The following PRRC2C variants were observed in gnomAD, a reference collection of about 807,000 sequenced individuals.
PRRC2C encodes the protein protein PRRC2C.
A neutral mutation model predicts 317.2 loss-of-function variants in PRRC2C; 72 were observed. The observed-to-expected ratio is 0.23, with a 90% CI of 0.19 to 0.28. The LOEUF (loss-of-function observed/expected upper bound fraction) is 0.28. PRRC2C is among the 10% of genes least tolerant of loss of function. The pLI is 1.00. For synonymous variants in PRRC2C, 1,296 were observed against 1,205.9 expected, an observed-to-expected ratio of 1.07 and a Z score of -1.55; for missense variants, 3,074 against 3,459.7, an observed-to-expected ratio of 0.89 and a Z score of 2.80.
Position 171,532,732 on chromosome 1 carries a change from G to A in PRRC2C, c.1644G>A (p.Glu548=). The change falls in exon 12 of 35, where the codon GAG becomes GAA. Residue 548 remains glutamate, a synonymous_variant. Coordinates refer to ENST00000647382, the MANE Select transcript of PRRC2C (RefSeq NM_001387844.1). ...ERQQEKEKEL[E]KEQEKQREME... ...AGCAGGAAAAGGAGAAAGAGCTGGA[G>A]AAGGAGCAGGAAAAACAAAGAGAAA... 6.5e-7 allele frequency: 1 copy of A among 1,542,168 alleles called. No individual in the cohort carries two copies. Among genetic ancestry groups the A allele is most frequent in the Non-Finnish European group, 8.7e-7 (1 of 1,145,016 alleles).
chr1:171,579,580 G>A, intron 27 of PRRC2C, 114 bp downstream of exon 27: 8 of 1,432,936 alleles, frequency 5.6e-6, no homozygotes, highest in Non-Finnish European at 7.3e-6. Flanking sequence ...CCCACGATTA[G>A]CTTGATATTC....
chr1:171,566,621 A>G lies in PRRC2C; in HGVS notation c.6336A>G (p.Lys2112=). 6.3e-7 allele frequency: 1 copy of G among 1,594,750 alleles called. No individual in the cohort carries two copies. Among genetic ancestry groups the G allele is most frequent in the Non-Finnish European group, 8.5e-7 (1 of 1,171,008 alleles). ...CAGATTTGAGTCCAGTAGAAAACAA[A>G]GAACACAAACCTGGTCCCATTGGAA... The part of the protein sequence containing the change: ...KLPDLSPVEN[K]EHKPGPIGKE... The change falls in exon 22 of 35, where the codon AAA becomes AAG. Residue 2112 remains lysine, a synonymous_variant. Transcript: ENST00000647382.
intron 1 of PRRC2C, among the ~76,000 whole-genome samples, chr1:171,507,443 T>G (rs1056476140): frequency 7.9e-5 from 12 of 152,188 alleles, no homozygotes; most frequent in Non-Finnish European, 1.6e-4. Flanking sequence ...AAACCCCTTC[T>G]TTACTAAAAA....
Position 171,517,598 on chromosome 1 carries a change from T to A in PRRC2C, c.534T>A (p.Ala178=), listed in dbSNP as rs755683798. Residue 178 remains alanine, a synonymous_variant, in exon 6 of 35, where the codon GCT becomes GCA. Transcript: ENST00000647382. ...PGPSLRPPNV[A]CWRDGGKAAG... is the part of the protein sequence containing the mutation. The stretch of plus-strand genomic sequence containing the variant: ...TCTCTGCCTTCATACTAGATGTTGC[T>A]TGTTGGAGAGATGGTGGTAAGGCTG... 4 of 1,612,388 alleles carry A rather than the reference T, an allele frequency of 2.5e-6. No homozygotes were observed. In the Admixed American group the frequency reaches 6.7e-5, roughly 27 times the overall value.
rs577295325 is a variant in PRRC2C, at chr1:171,568,135, A to T, written c.6559-112A>T. ...GGAAGGCAGAGGTTGCAGTGAGCTGAGATCATGCCACTGCACTCCAGCCTG... is the reference window on the plus strand; with the variant it reads ...GGAAGGCAGAGGTTGCAGTGAGCTGTGATCATGCCACTGCACTCCAGCCTG... On this transcript the variant is annotated intron_variant, in intron 22 of 34. Transcript: ENST00000647382. 9 of 1,361,584 alleles carry T rather than the reference A, an allele frequency of 6.6e-6. No homozygotes were observed. The African/African-American group carries it at 1.3e-4, about 20-fold the overall frequency. The allele number at this position is 1,361,584 out of a possible 1,614,324, so 84.3% of individuals were successfully genotyped here. A position where few individuals can be genotyped will look rare whatever the true frequency, so the allele number is the denominator to read the frequency against.
intron 10 of PRRC2C, 92 bp downstream of exon 10, chr1:171,525,057 G>A (rs1674317062): frequency 9.2e-7 from 1 of 1,081,340 alleles, no homozygotes; most frequent in African/African-American, 1.6e-5. Context: ...TTACCACAGA[G>A]TGGAACGGGA....
intron 6 of PRRC2C, among the ~76,000 whole-genome samples, chr1:171,519,998 T>C (rs945468324): frequency 1.3e-5 from 2 of 152,242 alleles, no homozygotes; most frequent in South Asian, 2.1e-4. Flanking sequence ...TTTTTTGCTC[T>C]GATGCCTAGG....
rs1674940381 is a variant in PRRC2C, at chr1:171,527,841, G to A, written c.1251G>A (p.Gln417=). Residue 417 remains glutamine (Q), a synonymous_variant, in exon 11 of 35, where the codon CAG becomes CAA. Coordinates refer to ENST00000647382, the MANE Select transcript of PRRC2C (RefSeq NM_001387844.1). Reference sequence around the variant, plus strand: ...CACCACCTCCAAAGTTGCTTGCACAGCAGGTAAATTTTAAGTGCTTGTTTA... The same window carrying A: ...CACCACCTCCAAAGTTGCTTGCACAACAGGTAAATTTTAAGTGCTTGTTTA... ...HLPPPPKLLA[Q]QHPPPDRQAV... 3 of 1,578,550 alleles carry A rather than the reference G, an allele frequency of 1.9e-6. No homozygotes were observed. The highest frequency in any genetic ancestry group is 8.6e-7 in the Non-Finnish European group (1 of 1,160,074).
chr1:171,532,043 T>G lies in PRRC2C; in HGVS notation c.1255-300T>G, dbSNP rs568160836. Among the ~76,000 whole-genome samples, 4 of 152,352 alleles carry G rather than the reference T, an allele frequency of 2.6e-5. No individual in the cohort carries two copies. The South Asian group carries it at 8.3e-4, about 32-fold the overall frequency. Reference sequence around the variant, plus strand: ...TTTCCTTTGTCTCTAAATTTAGATTTTGAGATTCACTGTTGTGCTTCTAGT... The same window carrying G: ...TTTCCTTTGTCTCTAAATTTAGATTGTGAGATTCACTGTTGTGCTTCTAGT... On this transcript the variant is annotated intron_variant, in intron 11 of 34. Transcript: ENST00000647382.
chr1:171,515,621 T>C, intron 4 of PRRC2C, 113 bp from the exon 5 acceptor site: 1 of 932,552 alleles, frequency 1.1e-6, no homozygotes, highest in Non-Finnish European at 1.6e-6. Flanking sequence ...CAGTCATCAC[T>C]GAAATGTGGA....
At chr1:171,563,521 TG>T (rs1380009375) in intron 20 of PRRC2C, among the ~76,000 whole-genome samples, 1 of 152,162 alleles carries the variant, frequency 6.6e-6, no homozygotes, top group Non-Finnish European at 1.5e-5. Flanking sequence ...ATAAAGAACT[TG>T]AACGTCATTT....
In PRRC2C at chr1:171,560,400, T is replaced by TTTCAGACTA. The variant is rs112744233; in HGVS notation, c.6032-616_6032-615insCAGACTATT. 3.2e-4 allele frequency among the ~76,000 whole-genome samples: 49 copies of TTTCAGACTA among 151,832 alleles called. No individual in the cohort carries two copies. The South Asian group carries it at 9.7e-3, about 30-fold the overall frequency. On this transcript the variant is annotated intron_variant, in intron 19 of 34. Coordinates refer to ENST00000647382, the MANE Select transcript of PRRC2C (RefSeq NM_001387844.1). ...AAACTTAGTTGATTAAACAATGGGA[T>TTTCAGACTA]TTGACTCCAGTTTTGAAAGAAGTTC...
At chr1:171,489,224 C>T (rs1050361387) in intron 1 of PRRC2C, among the ~76,000 whole-genome samples, 55 of 152,184 alleles carry the variant, frequency 3.6e-4, no homozygotes, top group African/African-American at 8.4e-4. Context: ...TTTTCCTTTA[C>T]CTCTAAGAAT....
At chr1:171,515,417 G>A (rs2421841) in intron 4 of PRRC2C, among the ~76,000 whole-genome samples, 122,942 of 152,160 alleles carry the variant, frequency 0.81, 49,786 homozygotes, top group Middle Eastern at 0.9. Context: ...ATTCTTAGCA[G>A]AGGAATTTGA....
At chr1:171,525,000 A>G (rs1571779834) in intron 10 of PRRC2C, 35 bp downstream of exon 10, 3 of 1,512,970 alleles carry the variant, frequency 2.0e-6, no homozygotes, top group Non-Finnish European at 2.7e-6. Flanking sequence ...TGTTATTGCA[A>G]GGATCTCCTT....
intron 16 of PRRC2C, 121 bp from the exon 17 acceptor site, chr1:171,545,358 T>TA (rs1678881649): frequency 2.5e-6 from 2 of 801,954 alleles, no homozygotes; most frequent in Non-Finnish European, 3.9e-6. Flanking sequence ...TGGTTACAGT[T>TA]AAGAGTTTTC....
At chr1:171,576,549 C>G (rs191678233) in intron 25 of PRRC2C, among the ~76,000 whole-genome samples, 18 of 152,290 alleles carry the variant, frequency 1.2e-4, no homozygotes, top group African/African-American at 4.1e-4. Flanking sequence ...ATCAATAAAA[C>G]AAATTAACCC....
chr1:171,543,497 G>A (rs1219362365), intron 16 of PRRC2C, among the ~76,000 whole-genome samples: 1 of 152,124 alleles, frequency 6.6e-6, no homozygotes, highest in Non-Finnish European at 1.5e-5. Context: ...GAAAATAATA[G>A]CACTTAATGT....
chr1:171,580,021 C>T, intron 28 of PRRC2C, 57 bp downstream of exon 28: 1 of 1,371,058 alleles, frequency 7.3e-7, no homozygotes, highest in African/African-American at 1.5e-5. Context: ...AACTGCTGAT[C>T]CTCCTTGCCG....
Sources: gnomAD v4.1 joint callset for allele counts (sites outside exome capture counted in the v4.1 genomes callset) on GRCh38, gnomAD v4.1.1 for gene constraint, MANE v1.5 for transcripts, NCBI Gene and HGNC (gene_info 2026-07-23, HGNC 2026-07-21) for gene names.